Variants in CDC27 observed in about 807,000 individuals in gnomAD.
CDC27 encodes cell division cycle 27.
CDC27 carries 27 observed loss-of-function variants against 109.7 expected under a neutral mutation model. The observed-to-expected ratio is 0.25, with a 90% CI of 0.18 to 0.34. The LOEUF is 0.34. Ranked by LOEUF, CDC27 falls within the 10% of genes least tolerant of loss-of-function variation. CDC27 has a pLI of 1.00. For missense variants in CDC27, 579 were observed against 960.2 expected (o/e 0.60, Z 5.25); for synonymous variants, 266 against 333.9 (o/e 0.80, Z 2.22).
chr17:47,137,571 A>T (rs968351578), intron 13 of CDC27, among the ~76,000 whole-genome samples: 8 of 152,216 alleles, frequency 5.3e-5, no homozygotes, highest in African/African-American at 1.9e-4. Flanking sequence ...CAATACTTGC[A>T]GTGCTTTCAT....
At chr17:47,148,939 C>G (rs546218758) in intron 9 of CDC27, among the ~76,000 whole-genome samples, 1 of 151,994 alleles carries the variant, frequency 6.6e-6, no homozygotes, top group East Asian at 1.9e-4. Flanking sequence ...ATTAGCTGAG[C>G]ATGATAGCAC....
intron 5 of CDC27, 77 bp downstream of exon 5, chr17:47,158,129 G>T: frequency 1.9e-6 from 1 of 539,688 alleles, no homozygotes; most frequent in Non-Finnish European, 3.3e-6. Context: ...GATCTGTATT[G>T]CTCTCCAAAA....
In CDC27 at chr17:47,123,873, C is replaced by A. The variant is rs200895472; in HGVS notation, c.2235+13G>T. 1 of 1,561,766 alleles carries A rather than the reference C, an allele frequency of 6.4e-7. No individual in the cohort carries two copies. On this transcript the variant is annotated intron_variant, in intron 17 of 18. Transcript: ENST00000066544. ...TGAAAGTCACTGTTTGGGACCATGA[C>A]CCCAGTCTTTACCTTTCCTATTAAG... is the stretch of plus-strand genomic sequence containing the variant.
intron 16 of CDC27, among the ~76,000 whole-genome samples, chr17:47,124,658 T>G (rs917830447): frequency 1.3e-5 from 2 of 152,234 alleles, no homozygotes; most frequent in African/African-American, 4.8e-5. Context: ...AAGAGTGGCA[T>G]TAACATTTTT....
intron 9 of CDC27, among the ~76,000 whole-genome samples, chr17:47,148,793 TTC>T (rs1448665105): frequency 6.6e-6 from 1 of 152,022 alleles, no homozygotes; most frequent in African/African-American, 2.4e-5. Flanking sequence ...CAATTAGAAA[TTC>T]TTGGCCAGGC....
chr17:47,133,858 C>T (rs71375393), intron 14 of CDC27, among the ~76,000 whole-genome samples: 11,664 of 152,004 alleles, frequency 0.077, 504 homozygotes, highest in African/African-American at 0.097. Flanking sequence ...AAGCGATTTT[C>T]GTGCCTCAGC....
chr17:47,177,847 T>C (rs1237067392), intron 2 of CDC27, among the ~76,000 whole-genome samples: 2 of 139,752 alleles, frequency 1.4e-5, no homozygotes, highest in Non-Finnish European at 3.1e-5. Flanking sequence ...TCTTATTTTA[T>C]ATGTGTGTGT....
rs903024918 is a variant in CDC27 at position 47,119,460 on chromosome 17, A to G, written c.*1475T>C. 2.6e-5 allele frequency: 4 copies of G among 152,148 alleles called. No individual in the cohort carries two copies. The highest frequency in any genetic ancestry group is 1.3e-4 in the Admixed American group (2 of 15,262). The allele number at this position is 152,148 out of a possible 1,614,324, so 9.4% of individuals were successfully genotyped here. A position where few individuals can be genotyped will look rare whatever the true frequency, so the allele number is the denominator to read the frequency against. ...ATCTTTTGTAATCCACCTTATTTTC[A>G]CAGCTTGACTAACAAATACAGGTAA... is the stretch of plus-strand genomic sequence containing the variant. On this transcript the variant is annotated 3_prime_UTR_variant, in exon 19 of 19. Transcript: ENST00000066544.
intron 4 of CDC27, chr17:47,159,860 TC>T: frequency 2.2e-6 from 1 of 461,344 alleles, no homozygotes; most frequent in African/African-American, 2.0e-5. Context: ...GATCTTCATG[TC>T]CTTGACCAGG....
chr17:47,169,971 G>A lies in CDC27; in HGVS notation c.323C>T (p.Thr108Ile). The change falls in exon 4 of 19, where the codon ACT becomes ATT. Residue 108 changes from threonine (T) to isoleucine (I), a missense_variant. Coordinates refer to ENST00000066544, the MANE Select transcript of CDC27 (RefSeq NM_001256.6). ...NKQKSHDDIV[T>I]EFGDSACFTL... ...AAAGCAAGCTGAATCACCAAACTCA[G>A]TAACAATATCATCATGGCTTTTCTG... 4 of 1,597,530 alleles carry A rather than the reference G, an allele frequency of 2.5e-6. No individual in the cohort carries two copies. Among genetic ancestry groups the A allele is most frequent in the Non-Finnish European group, 3.4e-6 (4 of 1,172,134 alleles).
At chr17:47,174,335 G>A (rs1298404569) in intron 2 of CDC27, among the ~76,000 whole-genome samples, 2 of 152,126 alleles carry the variant, frequency 1.3e-5, no homozygotes, top group Non-Finnish European at 2.9e-5. Flanking sequence ...TCCAACTTAC[G>A]GATAATGGCT....
intron 14 of CDC27, among the ~76,000 whole-genome samples, chr17:47,134,306 ATTTTT>A (rs35766560): frequency 6.9e-6 from 1 of 145,044 alleles, no homozygotes; most frequent in Non-Finnish European, 1.5e-5. Flanking sequence ...ACCCATATAG[ATTTTT>A]TTTTTTTTTT....
At chr17:47,125,622 C>T (rs1401681872) in intron 16 of CDC27, among the ~76,000 whole-genome samples, 1 of 151,176 alleles carries the variant, frequency 6.6e-6, no homozygotes, top group Non-Finnish European at 1.5e-5. Context: ...TGGCTCACTG[C>T]AACTCCCACC....
chr17:47,125,569 C>T (rs940346346), intron 16 of CDC27, among the ~76,000 whole-genome samples: 2 of 141,538 alleles, frequency 1.4e-5, no homozygotes, highest in East Asian at 2.1e-4. Context: ...TTTTTTTTTT[C>T]CCTGAGATGG....
chr17:47,129,441 T>G lies in CDC27; in HGVS notation c.2112A>C (p.Leu704=). The part of the protein sequence containing the change: ...KAIVIDPKNP[L]CKFHRASVLF... Reference sequence around the variant, plus strand: ...AAACTGAGGCTCTGTGAAATTTGCATAGAGGGTTCTTGGGATCAATGACAA... The same window carrying G: ...AAACTGAGGCTCTGTGAAATTTGCAGAGAGGGTTCTTGGGATCAATGACAA... Residue 704 remains leucine, a synonymous_variant, in exon 16 of 19, where the codon CTA becomes CTC. Transcript: ENST00000066544. 3 of 1,611,206 alleles carry G rather than the reference T, an allele frequency of 1.9e-6. 1 individual carries two copies. The highest frequency in any genetic ancestry group is 1.1e-5 in the South Asian group (1 of 90,986).
rs780158747 is a variant in CDC27 at position 47,138,816 on chromosome 17, G to A, written c.1627C>T (p.Leu543Phe). 1 of 1,605,414 alleles carries A rather than the reference G, an allele frequency of 6.2e-7. No homozygotes were observed. The highest frequency in any genetic ancestry group is 8.5e-7 in the Non-Finnish European group (1 of 1,172,820). ...VEGMEIYSTT[L>F]WHLQKDVALS... ...GCAACATCTTTTTGAAGATGCCAAA[G>A]TGTTGTAGAGTAGATCTCCATGCCT... The change falls in exon 13 of 19, where the codon CTT (leucine) becomes TTT (phenylalanine). Residue 543 changes from leucine to phenylalanine, a missense_variant. By Grantham distance (22) the Leu-to-Phe change is conservative. Coordinates refer to ENST00000066544, the MANE Select transcript of CDC27 (RefSeq NM_001256.6).
chr17:47,126,876 C>T lies in CDC27; in HGVS notation c.2160+2517G>A, dbSNP rs556015402. On this transcript the variant is annotated intron_variant, in intron 16 of 18. Transcript: ENST00000066544. Reference sequence around the variant, plus strand: ...AGGTGTGATCTGGGCTCACAGCAACCTCCGCCTCATGGGTTCAAGCGATTC... The same window carrying T: ...AGGTGTGATCTGGGCTCACAGCAACTTCCGCCTCATGGGTTCAAGCGATTC... Among the ~76,000 whole-genome samples, 4 of 152,274 alleles carry T rather than the reference C, an allele frequency of 2.6e-5. No homozygotes were observed. The East Asian group carries it at 7.7e-4, about 29-fold the overall frequency.
Position 47,142,284 on chromosome 17 carries a change from T to C in CDC27, c.1323A>G (p.Lys441=), listed in dbSNP as rs199754068. Residue 441 remains lysine (K), a synonymous_variant, in exon 11 of 19, where the codon AAA becomes AAG. Transcript: ENST00000066544. The part of the protein sequence containing the change: ...KLDSSIISEG[K]ISTITPQIQA... The stretch of plus-strand genomic sequence containing the variant: ...GAATCTGAGGTGTGATTGTGGATAT[T>C]TTCCCTTCTGAAATGATGGAAGAGT... 6.2e-7 allele frequency: 1 copy of C among 1,606,106 alleles called. No homozygotes were observed. Among genetic ancestry groups the C allele is most frequent in the Non-Finnish European group, 8.5e-7 (1 of 1,174,476 alleles).
Position 47,117,884 on chromosome 17 carries a change from T to C in CDC27, c.*3051A>G, listed in dbSNP as rs2061910111. ...CTGTGCCTTCTTATTAAAATACAGA[T>C]GGCACAGCTTTCATATAGCTTTAAC... On this transcript the variant is annotated 3_prime_UTR_variant, in exon 19 of 19. Coordinates refer to ENST00000066544, the MANE Select transcript of CDC27 (RefSeq NM_001256.6). The C allele has an allele frequency of 1.3e-5, 2 of 152,194 alleles. No individual in the cohort carries two copies. Among genetic ancestry groups the C allele is most frequent in the South Asian group, 2.1e-4 (1 of 4,838 alleles). 9.4% of individuals were successfully genotyped at this position (152,194 alleles called of 1,614,324 possible).
Sources: gnomAD v4.1 joint callset for allele counts (sites outside exome capture counted in the v4.1 genomes callset) on GRCh38, gnomAD v4.1.1 for gene constraint, MANE v1.5 for transcripts, NCBI Gene and HGNC (gene_info 2026-07-23, HGNC 2026-07-21) for gene names.